LPAR1: variants seen among roughly 807,000 people sequenced by gnomAD.
The protein encoded by LPAR1 is lysophosphatidic acid receptor 1, also known as LPA receptor 1.
In LPAR1, 5 loss-of-function variants were observed where a neutral mutation model predicts 23.8. The observed-to-expected ratio is 0.21, with a 90% CI of 0.11 to 0.44. LPAR1 has a LOEUF of 0.44. LPAR1 is among the 20% of genes least tolerant of loss of function. The pLI is 0.99. For synonymous variants in LPAR1, 160 were observed against 164.7 expected (o/e 0.97, Z 0.22); for missense variants, 311 against 482.8 (o/e 0.64, Z 3.33).
intron 2 of LPAR1, among the ~76,000 whole-genome samples, chr9:110,980,439 A>C (rs747736089): frequency 3.3e-5 from 5 of 152,042 alleles, no homozygotes; most frequent in African/African-American, 4.8e-5. Context: ...GCTATTTGAC[A>C]CTTTAAATTA....
At chr9:110,939,064 A>G (rs1350912458) in intron 5 of LPAR1, among the ~76,000 whole-genome samples, 9 of 152,156 alleles carry the variant, frequency 5.9e-5, no homozygotes, top group Admixed American at 5.2e-4. Flanking sequence ...GGGCAGAGCC[A>G]AGAACTCCCC....
In LPAR1 at chr9:110,906,319, G is replaced by GA. The variant is rs902340567; in HGVS notation, c.794-30598dup. Among the ~76,000 whole-genome samples, 6 of 152,036 alleles carry GA rather than the reference G, an allele frequency of 3.9e-5. No individual in the cohort carries two copies. In the East Asian group the frequency reaches 9.7e-4, roughly 24 times the overall value. On this transcript the variant is annotated intron_variant, in intron 5 of 5. Coordinates refer to ENST00000683809, the MANE Select transcript of LPAR1 (RefSeq NM_001351411.2). ...GTGTAATGTGTTTCATTAAAAAAAG[G>GA]AAAAAATCCTACTTCTTAATTTGTA...
At chr9:110,982,701 C>A (rs866333928) in intron 2 of LPAR1, among the ~76,000 whole-genome samples, 37 of 151,302 alleles carry the variant, frequency 2.4e-4, no homozygotes, top group Middle Eastern at 6.8e-3. Context: ...TCAACATAAT[C>A]GGCATACTTG....
chr9:110,943,650 A>G (rs2095260911), intron 4 of LPAR1, among the ~76,000 whole-genome samples: 1 of 152,126 alleles, frequency 6.6e-6, no homozygotes, highest in Admixed American at 6.6e-5. Flanking sequence ...ACTTGAGGTC[A>G]GAAGTTCGAG....
chr9:110,926,178 C>A (rs946978590), intron 5 of LPAR1, among the ~76,000 whole-genome samples: 2 of 152,188 alleles, frequency 1.3e-5, no homozygotes, highest in African/African-American at 2.4e-5. Context: ...CCTAGGCCTC[C>A]CAAAGTGCTG....
At chr9:110,885,165 TATTA>T (rs1303684015) in intron 5 of LPAR1, among the ~76,000 whole-genome samples, 2 of 152,226 alleles carry the variant, frequency 1.3e-5, no homozygotes, top group Non-Finnish European at 2.9e-5. Context: ...TTTGTGAAGC[TATTA>T]ATTAGAGTTT....
intron 2 of LPAR1, among the ~76,000 whole-genome samples, chr9:110,998,787 T>C (rs902637274): frequency 2.0e-5 from 3 of 152,214 alleles, no homozygotes; most frequent in Admixed American, 1.3e-4. Context: ...GTCTGAGGAT[T>C]CTTAAATTCA....
At chr9:110,935,405 C>A (rs973312164) in intron 5 of LPAR1, among the ~76,000 whole-genome samples, 5 of 117,510 alleles carry the variant, frequency 4.3e-5, no homozygotes, top group African/African-American at 1.5e-4. Context: ...TCTGGACCGA[C>A]TCCAGCCTTA....
intron 2 of LPAR1, among the ~76,000 whole-genome samples, chr9:111,012,145 G>C (rs1488368736): frequency 6.6e-6 from 1 of 152,200 alleles, no homozygotes; most frequent in African/African-American, 2.4e-5. Flanking sequence ...CAACTACTCA[G>C]GTAGCTGAGG....
intron 2 of LPAR1, among the ~76,000 whole-genome samples, chr9:111,032,551 A>T (rs945578581): frequency 1.3e-5 from 2 of 152,136 alleles, no homozygotes; most frequent in Admixed American, 1.3e-4. Flanking sequence ...GGGGGGAAAA[A>T]AAGTTTCCTC....
intron 4 of LPAR1, among the ~76,000 whole-genome samples, chr9:110,950,018 C>G (rs370191323): frequency 6.6e-6 from 1 of 152,128 alleles, no homozygotes; most frequent in Non-Finnish European, 1.5e-5. Flanking sequence ...TTCTGACAAT[C>G]TATAATTAGA....
At chr9:110,904,076 T>C (rs1044997565) in intron 5 of LPAR1, among the ~76,000 whole-genome samples, 2 of 151,978 alleles carry the variant, frequency 1.3e-5, no homozygotes, top group South Asian at 4.2e-4. Flanking sequence ...AAAACTATAC[T>C]TCAAGAATGA....
At position 110,908,467 on chromosome 9, in the gene LPAR1, CTT is replaced by C. The variant is rs373235291; in HGVS notation, c.794-32747_794-32746del. 3.9e-3 allele frequency among the ~76,000 whole-genome samples: 591 copies of C among 152,088 alleles called. 1 individual carries two copies. The highest frequency in any genetic ancestry group is 0.013 in the African/African-American group (538 of 41,516). ...AGAAAATTAATACTGAAATTAGTCTCTTATCACATCTTATGTTCAAGAGAAAT... is the reference window on the plus strand; with the variant it reads ...AGAAAATTAATACTGAAATTAGTCTCATCACATCTTATGTTCAAGAGAAAT... On this transcript the variant is annotated intron_variant, in intron 5 of 5. Transcript: ENST00000683809.
At chr9:110,983,291 C>T (rs191442352) in intron 2 of LPAR1, among the ~76,000 whole-genome samples, 9 of 152,104 alleles carry the variant, frequency 5.9e-5, no homozygotes, top group Admixed American at 5.3e-4. Context: ...CAGACATAAA[C>T]TAAATTGGTA....
intron 2 of LPAR1, among the ~76,000 whole-genome samples, chr9:110,981,825 A>G (rs1040453781): frequency 6.6e-6 from 1 of 152,188 alleles, no homozygotes; most frequent in Non-Finnish European, 1.5e-5. Context: ...ATATGAACAG[A>G]CACTTCTCAA....
intron 4 of LPAR1, among the ~76,000 whole-genome samples, chr9:110,960,352 C>T (rs2095918988): frequency 6.6e-6 from 1 of 152,142 alleles, no homozygotes; most frequent in African/African-American, 2.4e-5. Context: ...AATAAACCTG[C>T]AGAAGCCTAC....
chr9:110,943,852 C>T (rs1484342258), intron 4 of LPAR1, among the ~76,000 whole-genome samples: 1 of 142,294 alleles, frequency 7.0e-6, no homozygotes, highest in East Asian at 2.3e-4. Context: ...AAAGCAAGAC[C>T]CCAACTCCAT....
intron 5 of LPAR1, among the ~76,000 whole-genome samples, chr9:110,926,717 C>A (rs10980636): frequency 0.05 from 7,649 of 152,204 alleles, 608 homozygotes; most frequent in African/African-American, 0.17. Context: ...CCTAACTCTC[C>A]TTTCCTTTCC....
At chr9:110,982,320 T>C (rs2096684761) in intron 2 of LPAR1, among the ~76,000 whole-genome samples, 1 of 152,144 alleles carries the variant, frequency 6.6e-6, no homozygotes, top group African/African-American at 2.4e-5. Flanking sequence ...GTTTATGTCC[T>C]TTTCAGGGAC....
Sources: gnomAD v4.1 joint callset for allele counts (sites outside exome capture counted in the v4.1 genomes callset) on GRCh38, gnomAD v4.1.1 for gene constraint, MANE v1.5 for transcripts, NCBI Gene and HGNC (gene_info 2026-07-23, HGNC 2026-07-21) for gene names.